The following EYA1 variants were observed in gnomAD, a reference collection of about 807,000 sequenced individuals.
The protein encoded by EYA1 is protein phosphatase EYA1.
Under a neutral mutation model 82.0 loss-of-function variants are expected in EYA1, and 16 were observed. The ratio of observed to expected loss-of-function variants is 0.20; its 90% confidence interval spans 0.13 to 0.30. The LOEUF (loss-of-function observed/expected upper bound fraction) is 0.30, where lower values mean the gene tolerates loss of function less well. Ranked by LOEUF, EYA1 falls within the 10% of genes least tolerant of loss-of-function variation. The pLI is 1.00. For synonymous variants in EYA1, 261 were observed against 264.4 expected, an observed-to-expected ratio of 0.99 and a Z score of 0.12; for missense variants, 633 against 730.7, an observed-to-expected ratio of 0.87 and a Z score of 1.54.
intron 2 of EYA1, among the ~76,000 whole-genome samples, chr8:71,506,039 A>G (rs1160756130): frequency 1.3e-5 from 2 of 152,132 alleles, no homozygotes; most frequent in African/African-American, 2.4e-5. Flanking sequence ...TTCTGCCATG[A>G]TTGTAAGTTT....
At chr8:71,208,882 G>A (rs902113417) in intron 17 of EYA1, among the ~76,000 whole-genome samples, 6 of 152,146 alleles carry the variant, frequency 3.9e-5, no homozygotes, top group Non-Finnish European at 8.8e-5. Flanking sequence ...GTACTTATCA[G>A]AAAGGTTTAG....
intron 3 of EYA1, 195 bp from the exon 4 acceptor site, chr8:71,334,369 C>G: frequency 1.5e-6 from 1 of 649,050 alleles, no homozygotes; most frequent in Non-Finnish European, 2.8e-6. Flanking sequence ...CCTTAGGAAA[C>G]AATCTATTGT....
chr8:71,494,734 A>T (rs1328500611), intron 2 of EYA1, among the ~76,000 whole-genome samples: 1 of 152,216 alleles, frequency 6.6e-6, no homozygotes, highest in Non-Finnish European at 1.5e-5. Flanking sequence ...AGAAGTGAAT[A>T]CACAGCTGCT....
At chr8:71,357,361 CAACTT>C (rs1176586166) in intron 1 of EYA1, among the ~76,000 whole-genome samples, 5 of 152,254 alleles carry the variant, frequency 3.3e-5, no homozygotes, top group Non-Finnish European at 7.3e-5. Context: ...CTTCACTGAA[CAACTT>C]AACTAATGTG....
chr8:71,495,225 A>G (rs1811325025), intron 2 of EYA1, among the ~76,000 whole-genome samples: 1 of 152,270 alleles, frequency 6.6e-6, no homozygotes, highest in South Asian at 2.1e-4. Flanking sequence ...ATTTGCTACC[A>G]TAGTATGGCT....
chr8:71,280,229 A>T (rs867677789), intron 9 of EYA1, among the ~76,000 whole-genome samples: 7 of 152,336 alleles, frequency 4.6e-5, no homozygotes, highest in Middle Eastern at 3.4e-3. Flanking sequence ...TGACACCAGA[A>T]AATGAGCTAA....
chr8:71,501,952 G>C (rs980539747), intron 2 of EYA1, among the ~76,000 whole-genome samples: 8 of 152,114 alleles, frequency 5.3e-5, no homozygotes, highest in Admixed American at 1.3e-4. Context: ...TAATTTTTTA[G>C]ACTCAACAAA....
intron 7 of EYA1, among the ~76,000 whole-genome samples, chr8:71,308,433 A>T (rs1032460505): frequency 1.3e-5 from 2 of 152,152 alleles, no homozygotes; most frequent in African/African-American, 4.8e-5. Flanking sequence ...TTGGCTTCCT[A>T]CAGAGAAAGA....
intron 2 of EYA1, among the ~76,000 whole-genome samples, chr8:71,476,670 G>A (rs1215746650): frequency 1.3e-5 from 2 of 152,016 alleles, no homozygotes; most frequent in African/African-American, 4.8e-5. Context: ...CACATTCAAT[G>A]CAATTCCTAT....
At chr8:71,268,899 AAG>A (rs1321240257) in intron 11 of EYA1, among the ~76,000 whole-genome samples, 1 of 152,234 alleles carries the variant, frequency 6.6e-6, no homozygotes, top group Non-Finnish European at 1.5e-5. Context: ...TAAACTGCTG[AAG>A]TCACTGGGAC....
At chr8:71,453,477 T>C (rs895962534) in intron 2 of EYA1, among the ~76,000 whole-genome samples, 1 of 151,960 alleles carries the variant, frequency 6.6e-6, no homozygotes, top group Non-Finnish European at 1.5e-5. Flanking sequence ...GTCAGATTCA[T>C]CAAAGTTGAA....
Position 71,377,765 on chromosome 8 carries a change from T to G in EYA1, c.34-21254A>C, listed in dbSNP as rs149728733. 5.8e-3 allele frequency among the ~76,000 whole-genome samples: 884 copies of G among 152,306 alleles called. 7 individuals carry two copies. The highest frequency in any genetic ancestry group is 0.018 in the African/African-American group (763 of 41,560). ...ATTTCTGCCTCTACCCAGCCCCTGG[T>G]AACTACCATTCTACTTTCTGTCTTT... is the stretch of plus-strand genomic sequence containing the variant. On this transcript the variant is annotated intron_variant, in intron 2 of 18. Coordinates refer to the EYA1 transcript ENST00000643681.
Position 71,418,839 on chromosome 8 carries a change from CAG to C in EYA1, c.34-62330_34-62329del, listed in dbSNP as rs1243478359. ...GGAGGGAGGGAGGTGCTCTTCTACA[CAG>C]AGCACTCAGAGGAGGACTCTCTGAT... On this transcript the variant is annotated intron_variant, in intron 2 of 18. Coordinates refer to the EYA1 transcript ENST00000643681. Among the ~76,000 whole-genome samples, 4 of 152,080 alleles carry C rather than the reference CAG, an allele frequency of 2.6e-5. No homozygotes were observed. In the East Asian group the frequency reaches 7.7e-4, roughly 29 times the overall value.
intron 7 of EYA1, among the ~76,000 whole-genome samples, chr8:71,305,224 AC>A (rs1218282080): frequency 7.0e-6 from 1 of 142,968 alleles, no homozygotes; most frequent in Non-Finnish European, 1.6e-5. Flanking sequence ...ATCAAAAGAC[AC>A]CTCCAGATAA....
intron 12 of EYA1, among the ~76,000 whole-genome samples, chr8:71,231,627 G>C (rs1474220869): frequency 2.0e-5 from 3 of 152,238 alleles, no homozygotes; most frequent in Non-Finnish European, 4.4e-5. Context: ...CCAGTATCTG[G>C]GCTCCTTGAC....
chr8:71,495,463 A>G (rs962567282), intron 2 of EYA1, among the ~76,000 whole-genome samples: 11 of 152,026 alleles, frequency 7.2e-5, no homozygotes, highest in Non-Finnish European at 8.8e-5. Context: ...AAAATAGAAA[A>G]ATCAGCCAGA....
At chr8:71,228,134 T>G (rs1810777275) in intron 12 of EYA1, among the ~76,000 whole-genome samples, 1 of 152,178 alleles carries the variant, frequency 6.6e-6, no homozygotes, top group Non-Finnish European at 1.5e-5. Context: ...CCCTGTGAGC[T>G]GCAGGAAGGG....
intron 2 of EYA1, among the ~76,000 whole-genome samples, chr8:71,526,323 T>C (rs1482419774): frequency 6.6e-6 from 1 of 151,794 alleles, no homozygotes; most frequent in African/African-American, 2.4e-5. Context: ...TAATTAATTA[T>C]ATTCATGATC....
intron 2 of EYA1, among the ~76,000 whole-genome samples, chr8:71,437,103 A>C (rs1447574750): frequency 1.5e-5 from 2 of 136,522 alleles, no homozygotes; most frequent in East Asian, 2.0e-4. Context: ...ATATATATAT[A>C]TCTTTTATAG....
Sources: allele counts gnomAD v4.1 joint callset (sites outside exome capture counted in the v4.1 genomes callset), GRCh38; gene constraint gnomAD v4.1.1; transcripts MANE v1.5; gene names NCBI Gene and HGNC (gene_info 2026-07-23, HGNC 2026-07-21).